The following ABHD3 variants were observed in gnomAD, a reference collection of about 807,000 sequenced individuals.
ABHD3 encodes phospholipase ABHD3.
ABHD3 carries 46 observed loss-of-function variants against 48.8 expected under a neutral mutation model. The observed-to-expected ratio is 0.94, with a 90% CI of 0.74 to 1.20. The LOEUF (loss-of-function observed/expected upper bound fraction) is 1.20. ABHD3 is among the 50% of genes most tolerant of loss of function. The pLI, the probability that ABHD3 is intolerant of heterozygous loss-of-function variation, is 0.00. For synonymous variants in ABHD3, 192 were observed against 183.7 expected (o/e 1.04, Z -0.36); for missense variants, 490 against 497.8 (o/e 0.98, Z 0.15).
At position 21,655,322 on chromosome 18, in the gene ABHD3, C is replaced by T. The variant is rs1231482683; in HGVS notation, c.1057+1539G>A. ...TTTTTTTCCAAGATAGAGTCTCACT[C>T]TGTCACCCAGGCTGGAGTGCAGTGG... On this transcript the variant is annotated intron_variant, in intron 8 of 8. Coordinates refer to ENST00000289119, the MANE Select transcript of ABHD3 (RefSeq NM_138340.5). Among the ~76,000 whole-genome samples, 12 of 145,956 alleles carry T rather than the reference C, an allele frequency of 8.2e-5. No homozygotes were observed. In the Admixed American group the frequency reaches 8.3e-4, roughly 10 times the overall value.
chr18:21,701,014 A>G (rs1161353300), intron 3 of ABHD3, among the ~76,000 whole-genome samples: 1 of 151,220 alleles, frequency 6.6e-6, no homozygotes, highest in East Asian at 1.9e-4. Context: ...GTGCTTAAAC[A>G]TGGAATAATG....
intron 3 of ABHD3, among the ~76,000 whole-genome samples, chr18:21,695,399 A>C (rs1302286247): frequency 6.6e-6 from 1 of 152,182 alleles, no homozygotes; most frequent in East Asian, 1.9e-4. Context: ...AGTGGTGTGC[A>C]CAATTGCTGG....
chr18:21,694,308 G>A (rs796258948), intron 3 of ABHD3, among the ~76,000 whole-genome samples: 2 of 152,056 alleles, frequency 1.3e-5, no homozygotes, highest in African/African-American at 4.8e-5. Context: ...TGTTGGTCAG[G>A]CTGGTCTCGA....
At chr18:21,687,399 G>A (rs867056108) in intron 3 of ABHD3, among the ~76,000 whole-genome samples, 1 of 151,708 alleles carries the variant, frequency 6.6e-6, no homozygotes, top group South Asian at 2.1e-4. Flanking sequence ...TTTTAGTAGC[G>A]ACAGGGTTTC....
chr18:21,663,654 A>G (rs1276179239), intron 5 of ABHD3: 11 of 1,525,220 alleles, frequency 7.2e-6, no homozygotes, highest in South Asian at 2.4e-5. Context: ...CCCAGCAACA[A>G]AACAAAACAA....
intron 5 of ABHD3, chr18:21,661,795 C>T (rs2039504917): frequency 6.6e-6 from 1 of 152,254 alleles, no homozygotes; most frequent in Admixed American, 6.6e-5. Flanking sequence ...GCCTCAGCCT[C>T]CTGAGTAGCT....
chr18:21,659,662 T>A (rs370947569), intron 5 of ABHD3, among the ~76,000 whole-genome samples: 1 of 122,194 alleles, frequency 8.2e-6, no homozygotes, highest in Non-Finnish European at 1.9e-5. Flanking sequence ...CACCTAGAGT[T>A]TTTTTTTTTT....
chr18:21,699,072 T>C (rs1189932188), intron 3 of ABHD3, among the ~76,000 whole-genome samples: 1 of 151,934 alleles, frequency 6.6e-6, no homozygotes, highest in Non-Finnish European at 1.5e-5. Context: ...GTAGCTGGGA[T>C]TACAGGCGCA....
At chr18:21,680,262 C>T (rs1424269687) in intron 4 of ABHD3, among the ~76,000 whole-genome samples, 2 of 151,046 alleles carry the variant, frequency 1.3e-5, no homozygotes, top group Non-Finnish European at 3.0e-5. Context: ...GTGATGCACC[C>T]GCCTCAGCCT....
intron 4 of ABHD3, among the ~76,000 whole-genome samples, chr18:21,676,580 AG>A (rs1379494546): frequency 6.6e-6 from 1 of 152,182 alleles, no homozygotes; most frequent in Non-Finnish European, 1.5e-5. Flanking sequence ...CAGTAGAGAC[AG>A]GGTTTCACCG....
chr18:21,679,822 G>T (rs1479447004), intron 4 of ABHD3, among the ~76,000 whole-genome samples: 2 of 152,054 alleles, frequency 1.3e-5, no homozygotes, highest in African/African-American at 4.8e-5. Flanking sequence ...ACCGCGCCTG[G>T]CCTATTTTTA....
chr18:21,681,027 C>G (rs1346972099), intron 4 of ABHD3, among the ~76,000 whole-genome samples: 2 of 151,952 alleles, frequency 1.3e-5, no homozygotes, highest in East Asian at 3.9e-4. Context: ...CACTCCCAGC[C>G]TGTTGTTTCT....
intron 4 of ABHD3, among the ~76,000 whole-genome samples, chr18:21,672,031 A>G (rs1370926717): frequency 2.0e-5 from 3 of 152,216 alleles, no homozygotes; most frequent in Non-Finnish European, 4.4e-5. Context: ...TATATAATAG[A>G]AAAACAATAA....
At chr18:21,657,401 A>G (rs2959514) in intron 6 of ABHD3, among the ~76,000 whole-genome samples, 77,064 of 150,352 alleles carry the variant, frequency 0.51, 23,151 homozygotes, top group African/African-American at 0.84. Flanking sequence ...GTGTAGTGGC[A>G]TGATCACGGC....
At position 21,683,808 on chromosome 18, in the gene ABHD3, T is replaced by C. The variant is rs1598545306; in HGVS notation, c.555+112A>G. ...TATCTGTATTTTTGTATAATAAATT[T>C]GTATTGCTTACATAAACAGAGTTAT... On this transcript the variant is annotated intron_variant, in intron 4 of 8. Coordinates refer to ENST00000289119, the MANE Select transcript of ABHD3 (RefSeq NM_138340.5). The C allele has an allele frequency of 3.8e-6, 4 of 1,056,984 alleles. No individual in the cohort carries two copies. In the East Asian group the frequency reaches 1.2e-4, roughly 31 times the overall value. 65.5% of individuals were successfully genotyped at this position (1,056,984 alleles called of 1,614,324 possible). A position where few individuals can be genotyped will look rare whatever the true frequency, so the allele number is the denominator to read the frequency against.
chr18:21,683,672 A>G (rs1011238317), intron 4 of ABHD3: 1 of 255,596 alleles, frequency 3.9e-6, no homozygotes, highest in African/African-American at 2.4e-5. Context: ...TTTTATAAAA[A>G]TAGAAATATA....
chr18:21,675,807 C>T (rs1029200637), intron 4 of ABHD3, among the ~76,000 whole-genome samples: 1 of 152,144 alleles, frequency 6.6e-6, no homozygotes, highest in African/African-American at 2.4e-5. Flanking sequence ...AAATAATTTA[C>T]AGGCCGTGGA....
Position 21,702,430 on chromosome 18 carries a change from C to A in ABHD3, c.395G>T (p.Cys132Phe). 1 of 1,613,904 alleles carries A rather than the reference C, an allele frequency of 6.2e-7. No individual in the cohort carries two copies. The highest frequency in any genetic ancestry group is 8.5e-7 in the Non-Finnish European group (1 of 1,179,914). The change falls in exon 3 of 9, where the codon TGT (cysteine) becomes TTT (phenylalanine). Residue 132 changes from cysteine (C) to phenylalanine (F), a missense_variant. Coordinates refer to ENST00000289119, the MANE Select transcript of ABHD3 (RefSeq NM_138340.5). ...LDWFDNDNSTCYMDASTRPTI... is the reference protein window; with the variant it reads ...LDWFDNDNSTFYMDASTRPTI... ...AGGTCTGGTGCTGGCATCCATATAA[C>A]ACGTACTGTTATCATTATCAAACCA...
intron 5 of ABHD3, among the ~76,000 whole-genome samples, chr18:21,660,909 T>C (rs1285045955): frequency 6.6e-6 from 1 of 151,698 alleles, no homozygotes; most frequent in Admixed American, 6.6e-5. Context: ...GCTGGTAAAA[T>C]GCACAAATTA....
Sources: gnomAD v4.1 joint callset for allele counts (sites outside exome capture counted in the v4.1 genomes callset) on GRCh38, gnomAD v4.1.1 for gene constraint, MANE v1.5 for transcripts, NCBI Gene and HGNC (gene_info 2026-07-23, HGNC 2026-07-21) for gene names.